LINGO1: variants seen among roughly 807,000 people sequenced by gnomAD.
LINGO1 encodes the protein leucine-rich repeat and immunoglobulin-like domain-containing nogo receptor-interacting protein 1.
LINGO1 carries 11 observed loss-of-function variants against 37.3 expected under a neutral mutation model. The ratio of observed to expected loss-of-function variants is 0.29; its 90% CI spans 0.19 to 0.49. The LOEUF is 0.49. LINGO1 is among the 20% of genes least tolerant of loss of function. The pLI is 0.99. For missense variants in LINGO1, 585 were observed against 878.2 expected (o/e 0.67, Z 4.22); for synonymous variants, 387 against 403.0 (o/e 0.96, Z 0.48).
At position 77,668,888 on chromosome 15, in the gene LINGO1, C is replaced by T. The variant is rs1596080294; in HGVS notation, c.-13+8201G>A. ...TCTTCCTAGCCCTTGGGGAACCTCT[C>T]CCTGTTGAGAAGGAAATAAAAAATC... is the stretch of plus-strand genomic sequence containing the variant. On this transcript the variant is annotated intron_variant, in intron 3 of 3. Transcript: ENST00000559893. Among the ~76,000 whole-genome samples, 3 of 152,124 alleles carry T rather than the reference C, an allele frequency of 2.0e-5. 1 individual carries two copies. In the East Asian group the frequency reaches 5.8e-4, roughly 29 times the overall value.
At chr15:77,718,118 A>G (rs1007223980) in intron 2 of LINGO1, among the ~76,000 whole-genome samples, 1 of 150,794 alleles carries the variant, frequency 6.6e-6, no homozygotes, top group Non-Finnish European at 1.5e-5. Flanking sequence ...CCCAGGCCTG[A>G]GCTCACATCA....
intron 2 of LINGO1, among the ~76,000 whole-genome samples, chr15:77,723,362 C>T (rs1252315956): frequency 6.6e-6 from 1 of 152,204 alleles, no homozygotes; most frequent in African/African-American, 2.4e-5. Context: ...TAAGAGTCAT[C>T]CTGCCCTCAA....
intron 2 of LINGO1, among the ~76,000 whole-genome samples, chr15:77,680,980 C>T (rs2075404027): frequency 6.6e-6 from 1 of 152,108 alleles, no homozygotes; most frequent in Non-Finnish European, 1.5e-5. Context: ...AGCAGGCGAC[C>T]CAAGGGAAAG....
chr15:77,637,208 C>A (rs2074413654), upstream of LINGO1, among the ~76,000 whole-genome samples: 1 of 152,246 alleles, frequency 6.6e-6, no homozygotes, highest in Non-Finnish European at 1.5e-5. This position sits in a 1 kb window ranked among gnomAD's most constrained non-coding sequence, Gnocchi z 4.6. Context: ...GGGGTTCTCT[C>A]CCCACAGTGG....
At chr15:77,733,014 C>T (rs1733629521) in intron 2 of LINGO1, among the ~76,000 whole-genome samples, 1 of 152,242 alleles carries the variant, frequency 6.6e-6, no homozygotes, top group South Asian at 2.1e-4. Context: ...AATGGCATCC[C>T]TTCCACTGAA....
intron 1 of LINGO1, among the ~76,000 whole-genome samples, chr15:77,811,353 C>T (rs1475176733): frequency 6.6e-6 from 1 of 152,240 alleles, no homozygotes; most frequent in Non-Finnish European, 1.5e-5. Flanking sequence ...GGGTCACTTC[C>T]TGTTTCCAGG....
intron 1 of LINGO1, among the ~76,000 whole-genome samples, chr15:77,808,922 C>T (rs1004011219): frequency 1.3e-5 from 2 of 152,260 alleles, no homozygotes; most frequent in African/African-American, 4.8e-5. Context: ...CCCATATATG[C>T]GCACTCAGGC....
At chr15:77,758,839 C>G (rs2076446408) in intron 1 of LINGO1, among the ~76,000 whole-genome samples, 2 of 151,464 alleles carry the variant, frequency 1.3e-5, no homozygotes, top group Non-Finnish European at 1.5e-5. Flanking sequence ...AGAGGATCAC[C>G]ATTGTCGAGG....
intron 3 of LINGO1, among the ~76,000 whole-genome samples, chr15:77,643,318 C>A (rs1020721997): frequency 6.6e-6 from 1 of 152,150 alleles, no homozygotes; most frequent in African/African-American, 2.4e-5. Context: ...TCAGGGGAGA[C>A]CCAGGGCCCT....
chr15:77,690,176 G>A (rs1450213987), intron 2 of LINGO1, among the ~76,000 whole-genome samples: 1 of 152,124 alleles, frequency 6.6e-6, no homozygotes, highest in Non-Finnish European at 1.5e-5. Flanking sequence ...CCTCATTCCT[G>A]GTAACATGGT....
intron 2 of LINGO1, among the ~76,000 whole-genome samples, chr15:77,734,267 C>T (rs1467674877): frequency 2.0e-5 from 3 of 152,062 alleles, no homozygotes; most frequent in Non-Finnish European, 4.4e-5. Context: ...TCGGAAGAGA[C>T]GCCTGGGCCC....
At chr15:77,642,056 G>A (rs2141111213) in intron 3 of LINGO1, 1 of 449,118 alleles carries the variant, frequency 2.2e-6, no homozygotes, top group Middle Eastern at 3.3e-4. Context: ...AAGAGCATAT[G>A]CGTGTGACAT....
At chr15:77,704,545 A>C (rs1452625884) in intron 2 of LINGO1, among the ~76,000 whole-genome samples, 1 of 150,162 alleles carries the variant, frequency 6.7e-6, no homozygotes, top group Non-Finnish European at 1.5e-5. Flanking sequence ...CTGGCCACAC[A>C]CTGAGCCCCA....
At chr15:77,726,502 G>C (rs911806326) in intron 2 of LINGO1, among the ~76,000 whole-genome samples, 1 of 152,256 alleles carries the variant, frequency 6.6e-6, no homozygotes, top group Non-Finnish European at 1.5e-5. Flanking sequence ...GAATGAGCTT[G>C]CAGTTGCTAC....
chr15:77,624,265 C>T (rs1041248175), intron 1 of LINGO1, among the ~76,000 whole-genome samples: 9 of 151,446 alleles, frequency 5.9e-5, no homozygotes, highest in African/African-American at 2.2e-4. Flanking sequence ...GTGCTGGTTG[C>T]CTCTCCTCCC....
chr15:77,662,182 G>A (rs2075008690), intron 3 of LINGO1, among the ~76,000 whole-genome samples: 1 of 152,170 alleles, frequency 6.6e-6, no homozygotes, highest in South Asian at 2.1e-4. Flanking sequence ...ACACAGTTCT[G>A]GGGCCCCAGT....
intron 1 of LINGO1, among the ~76,000 whole-genome samples, chr15:77,743,009 C>T (rs1248615729): frequency 1.3e-5 from 2 of 152,170 alleles, no homozygotes; most frequent in South Asian, 2.1e-4. Context: ...GTGCACAGGG[C>T]CCCCAGCCCG....
intron 3 of LINGO1, among the ~76,000 whole-genome samples, chr15:77,658,934 T>A (rs1343685673): frequency 6.6e-6 from 1 of 152,190 alleles, no homozygotes; most frequent in African/African-American, 2.4e-5. Flanking sequence ...GGAGATTTTA[T>A]CTAGTCACAG....
upstream of LINGO1, chr15:77,820,720 T>C (rs2141496349): frequency 6.6e-6 from 1 of 152,270 alleles, no homozygotes. Context: ...TCTGATATGG[T>C]GTTAGGTCCC....
Sources: allele counts gnomAD v4.1 joint callset (sites outside exome capture counted in the v4.1 genomes callset), GRCh38; gene constraint gnomAD v4.1.1; non-coding constraint Gnocchi (gnomAD v3.1); transcripts MANE v1.5; gene names NCBI Gene and HGNC (gene_info 2026-07-23, HGNC 2026-07-21).